Variants in NEDD9 observed in about 807,000 individuals in gnomAD.
NEDD9 encodes the protein enhancer of filamentation 1.
Under a neutral mutation model 76.6 loss-of-function variants are expected in NEDD9, and 26 were observed. The ratio of observed to expected loss-of-function variants is 0.34; its 90% CI spans 0.25 to 0.47. NEDD9 has a LOEUF of 0.47. Among genes scored for constraint, NEDD9 ranks in the 20% least tolerant of loss-of-function variants. The pLI is 1.00. For missense variants in NEDD9, 937 were observed against 1,058.5 expected, an observed-to-expected ratio of 0.89 and a Z score of 1.59; for synonymous variants, 392 against 414.2, an observed-to-expected ratio of 0.95 and a Z score of 0.65.
chr6:11,307,435 T>C (rs1761220458), intron 2 of NEDD9, among the ~76,000 whole-genome samples: 1 of 152,188 alleles, frequency 6.6e-6, no homozygotes, highest in Admixed American at 6.5e-5. Context: ...CATGTGTGGT[T>C]ACCCCAGTGT....
At chr6:11,212,671 A>G (rs1758817851) in intron 2 of NEDD9, among the ~76,000 whole-genome samples, 5 of 152,224 alleles carry the variant, frequency 3.3e-5, no homozygotes, top group Admixed American at 3.3e-4. Flanking sequence ...AGGCATTATT[A>G]TAAGAATGAC....
intron 2 of NEDD9, among the ~76,000 whole-genome samples, chr6:11,319,382 T>C (rs1247801916): frequency 6.9e-6 from 1 of 145,556 alleles, no homozygotes; most frequent in Non-Finnish European, 1.5e-5. Context: ...TACACACAAG[T>C]CTCACACTCA....
chr6:11,264,457 G>A (rs571899888), intron 3 of NEDD9, among the ~76,000 whole-genome samples: 59 of 152,262 alleles, frequency 3.9e-4, no homozygotes, highest in Non-Finnish European at 7.3e-4. Context: ...TCAATCTCTA[G>A]CCCAGTTGTT....
At chr6:11,351,451 G>T (rs548572037) in intron 1 of NEDD9, among the ~76,000 whole-genome samples, 1 of 152,188 alleles carries the variant, frequency 6.6e-6, no homozygotes, top group Non-Finnish European at 1.5e-5. Flanking sequence ...AACAGCAAAA[G>T]CAGAAAGGCC....
At chr6:11,287,316 C>T (rs563915752) in intron 3 of NEDD9, among the ~76,000 whole-genome samples, 111 of 152,152 alleles carry the variant, frequency 7.3e-4, no homozygotes, top group Non-Finnish European at 1.1e-3. Context: ...TAATCCCAGA[C>T]GCTCAGGAGG....
intron 3 of NEDD9, among the ~76,000 whole-genome samples, chr6:11,299,977 C>A (rs1212487793): frequency 1.3e-5 from 2 of 152,110 alleles, no homozygotes; most frequent in African/African-American, 4.8e-5. Context: ...CAGCCCCTCA[C>A]CAGCAAAGGA....
rs1297322535 is a variant in NEDD9, at chr6:11,185,234, C to T, written c.2433G>A (p.Val811=). Reference sequence around the variant, plus strand: ...TTCTAGAAAGGTCTGTCACTTGGTGCACCATTTCCTGCAGGGCCGTGGTGC... The same window carrying T: ...TTCTAGAAAGGTCTGTCACTTGGTGTACCATTTCCTGCAGGGCCGTGGTGC... ...YPSTTALQEM[V]HQVTDLSRNA... is the part of the protein sequence containing the mutation. Residue 811 remains valine (V), a synonymous_variant, in exon 7 of 7, where the codon GTG becomes GTA. Transcript: ENST00000379446. The T allele has an allele frequency of 6.2e-7, 1 of 1,614,032 alleles. No homozygotes were observed. The highest frequency in any genetic ancestry group is 8.5e-7 in the Non-Finnish European group (1 of 1,180,042).
At chr6:11,307,529 T>C (rs1193422203) in intron 2 of NEDD9, among the ~76,000 whole-genome samples, 1 of 152,106 alleles carries the variant, frequency 6.6e-6, no homozygotes, top group Non-Finnish European at 1.5e-5. Flanking sequence ...CTTTAGGTAC[T>C]CACACCTTGA....
intron 3 of NEDD9, among the ~76,000 whole-genome samples, chr6:11,289,130 A>G (rs919000724): frequency 9.9e-5 from 15 of 152,256 alleles, no homozygotes; most frequent in African/African-American, 3.6e-4. Context: ...GCTGTTAATA[A>G]AATGGATACA....
At position 11,200,397 on chromosome 6, in the gene NEDD9, G is replaced by C. The variant is rs1365944896; in HGVS notation, c.460-6705C>G. 1.2e-5 allele frequency: 8 copies of C among 652,978 alleles called. No individual in the cohort carries two copies. In the East Asian group the frequency reaches 5.8e-4, roughly 48 times the overall value. The allele number at this position is 652,978 out of a possible 1,614,324, so 40.4% of individuals were successfully genotyped here. On this transcript the variant is annotated intron_variant, in intron 2 of 6. Coordinates refer to ENST00000379446, the MANE Select transcript of NEDD9 (RefSeq NM_006403.4). ...CTGGAGGCAGAGAACATCTTTATAG[G>C]CTTCACATTATTTCTACAAATGTAC... is the stretch of plus-strand genomic sequence containing the variant.
At chr6:11,328,341 C>A (rs1761970106) in intron 2 of NEDD9, among the ~76,000 whole-genome samples, 1 of 152,208 alleles carries the variant, frequency 6.6e-6, no homozygotes, top group Admixed American at 6.5e-5. Context: ...GCTTTACATT[C>A]ATACATATCA....
rs557944277 is a variant in NEDD9, at chr6:11,341,196, T to C, written c.-213-6635A>G. Among the ~76,000 whole-genome samples, 385 of 152,302 alleles carry C rather than the reference T, an allele frequency of 2.5e-3. 1 individual carries two copies. The highest frequency in any genetic ancestry group is 8.8e-3 in the African/African-American group (366 of 41,566). ...AACAATTAGAAAACAGGACAAGGTATGTGAAGCAAGATAGTTTTCAGACAA... is the reference window on the plus strand; with the variant it reads ...AACAATTAGAAAACAGGACAAGGTACGTGAAGCAAGATAGTTTTCAGACAA... On this transcript the variant is annotated intron_variant, in intron 1 of 3. Coordinates refer to the NEDD9 transcript ENST00000397378.
At chr6:11,313,056 T>G (rs1364504610) in intron 2 of NEDD9, among the ~76,000 whole-genome samples, 2 of 152,126 alleles carry the variant, frequency 1.3e-5, no homozygotes, top group African/African-American at 4.8e-5. Flanking sequence ...ATTGAAGGTT[T>G]GTGAAGTGGA....
intron 2 of NEDD9, among the ~76,000 whole-genome samples, chr6:11,311,591 A>G (rs1761368311): frequency 2.0e-5 from 3 of 152,208 alleles, no homozygotes; most frequent in Non-Finnish European, 4.4e-5. Flanking sequence ...CTCTTCATCA[A>G]GAAAAGGAGA....
chr6:11,303,600 A>T (rs1053993081), intron 3 of NEDD9, among the ~76,000 whole-genome samples: 1 of 152,234 alleles, frequency 6.6e-6, no homozygotes, highest in Non-Finnish European at 1.5e-5. Context: ...TGGTACTGGT[A>T]CCAAAACAGA....
chr6:11,336,683 A>G (rs147813600), intron 1 of NEDD9, among the ~76,000 whole-genome samples: 2 of 152,248 alleles, frequency 1.3e-5, no homozygotes, highest in Admixed American at 6.5e-5. Flanking sequence ...TACATTTATC[A>G]AACAATTTTT....
At chr6:11,353,942 T>C (rs1228973357) in intron 1 of NEDD9, among the ~76,000 whole-genome samples, 1 of 152,210 alleles carries the variant, frequency 6.6e-6, no homozygotes, top group Non-Finnish European at 1.5e-5. Context: ...ATGGGGGCCA[T>C]AATTCAACGG....
At chr6:11,330,186 G>A (rs1762007023) in intron 2 of NEDD9, among the ~76,000 whole-genome samples, 1 of 152,198 alleles carries the variant, frequency 6.6e-6, no homozygotes, top group East Asian at 1.9e-4. Flanking sequence ...CGGGAGCTTA[G>A]ATGCACTGAG....
At chr6:11,278,117 A>G (rs896088062) in intron 3 of NEDD9, among the ~76,000 whole-genome samples, 1 of 152,002 alleles carries the variant, frequency 6.6e-6, no homozygotes. Context: ...GGGATCTCAT[A>G]ACACATCTTC....
Sources: allele counts gnomAD v4.1 joint callset (sites outside exome capture counted in the v4.1 genomes callset), GRCh38; gene constraint gnomAD v4.1.1; transcripts MANE v1.5; gene names NCBI Gene and HGNC (gene_info 2026-07-23, HGNC 2026-07-21).